The following RBFOX1 variants were observed in gnomAD, a reference collection of about 807,000 sequenced individuals.
RBFOX1 encodes the protein RNA binding protein fox-1 homolog 1.
Under a neutral mutation model 57.7 loss-of-function variants are expected in RBFOX1, and 8 were observed. The observed-to-expected ratio is 0.14, with a 90% CI of 0.08 to 0.25. The LOEUF is 0.25. Among genes scored for constraint, RBFOX1 ranks in the 10% least tolerant of loss-of-function variants. The pLI is 1.00. For missense variants in RBFOX1, 611 were observed against 548.5 expected, an observed-to-expected ratio of 1.11 and a Z score of -1.14; for synonymous variants, 326 against 222.4, an observed-to-expected ratio of 1.47 and a Z score of -4.15.
At chr16:6,829,419 T>C (rs1168644286) in intron 3 of RBFOX1, among the ~76,000 whole-genome samples, 1 of 150,872 alleles carries the variant, frequency 6.6e-6, no homozygotes, top group Non-Finnish European at 1.5e-5. Context: ...TGTAAAAGGC[T>C]ATTTGTAGAT....
At chr16:5,421,035 C>T (rs1262238818) in intron 1 of RBFOX1, among the ~76,000 whole-genome samples, 1 of 150,266 alleles carries the variant, frequency 6.7e-6, no homozygotes, top group Admixed American at 6.7e-5. Context: ...GAGACTGGAA[C>T]TTGCTTTGTC....
intron 3 of RBFOX1, among the ~76,000 whole-genome samples, chr16:6,667,328 C>T (rs928251095): frequency 6.6e-6 from 1 of 152,048 alleles, no homozygotes; most frequent in Admixed American, 6.6e-5. Flanking sequence ...CCTTCAGTCA[C>T]CCTTGAAGCT....
At chr16:6,126,928 T>C (rs1301822633) in intron 1 of RBFOX1, among the ~76,000 whole-genome samples, 3 of 152,040 alleles carry the variant, frequency 2.0e-5, no homozygotes, top group Non-Finnish European at 4.4e-5. Flanking sequence ...TTATGCCAGG[T>C]ACTAGGAAAA....
At chr16:7,094,628 GTTTTTTTT>G (rs5815365) in intron 4 of RBFOX1, among the ~76,000 whole-genome samples, 2 of 141,024 alleles carry the variant, frequency 1.4e-5, no homozygotes, top group African/African-American at 5.2e-5. Context: ...TTCTTTTGAA[GTTTTTTTT>G]TTTTTTTTTT....
chr16:7,654,083 G>T, intron 12 of RBFOX1, 136 bp downstream of exon 12: 1 of 873,784 alleles, frequency 1.1e-6, no homozygotes, highest in South Asian at 1.8e-5. Context: ...ATGCAGCCCG[G>T]CCGCGCACCT....
At chr16:7,480,664 G>A (rs984418733) in intron 4 of RBFOX1, among the ~76,000 whole-genome samples, 3 of 152,182 alleles carry the variant, frequency 2.0e-5, no homozygotes, top group African/African-American at 7.2e-5. Context: ...GCAGTGCTGA[G>A]AGCTGTGTAT....
At position 7,078,944 on chromosome 16, in the gene RBFOX1, G is replaced by A. The variant is rs542700512; in HGVS notation, c.27+26846G>A. Among the ~76,000 whole-genome samples the A allele has an allele frequency of 3.9e-3, 505 of 129,214 alleles. 4 individuals carry two copies. Among genetic ancestry groups the A allele is most frequent in the Non-Finnish European group, 6.6e-3 (425 of 64,528 alleles). The allele number at this position is 129,214 out of a possible 152,430, so 84.8% of individuals were successfully genotyped here. ...AGGCTGGTCTTGAGCTCCTGACCTC[G>A]TGATCCACCCACCTTGGCCTCCCAA... On this transcript the variant is annotated intron_variant, in intron 4 of 15. Coordinates refer to ENST00000550418, the MANE Select transcript of RBFOX1 (RefSeq NM_018723.4).
intron 1 of RBFOX1, among the ~76,000 whole-genome samples, chr16:5,321,291 C>A (rs187085570): frequency 1.2e-3 from 181 of 151,828 alleles, no homozygotes; most frequent in African/African-American, 4.0e-3. Flanking sequence ...ATGATCATTA[C>A]TGTACTAAAA....
chr16:6,484,576 G>A (rs1412764711), intron 2 of RBFOX1, among the ~76,000 whole-genome samples: 4 of 152,132 alleles, frequency 2.6e-5, no homozygotes, highest in East Asian at 1.9e-4. Flanking sequence ...ACAGAGTGTC[G>A]AATGTGACAT....
intron 4 of RBFOX1, among the ~76,000 whole-genome samples, chr16:5,906,387 G>T (rs1366945665): frequency 1.3e-5 from 2 of 152,192 alleles, no homozygotes; most frequent in African/African-American, 2.4e-5. Context: ...TTTCTGCAAA[G>T]AATTCCAAAG....
rs144623249 is a variant in RBFOX1 at position 7,002,425 on chromosome 16, A to G, written c.-15-49632A>G. On this transcript the variant is annotated intron_variant, in intron 3 of 15. Transcript: ENST00000550418. ...AAGAGATTTAAAAAAGATCTTTTCAACTATTTTCGCTGGGCGCGATGGCTC... is the reference window on the plus strand; with the variant it reads ...AAGAGATTTAAAAAAGATCTTTTCAGCTATTTTCGCTGGGCGCGATGGCTC... 4.7e-3 allele frequency among the ~76,000 whole-genome samples: 711 copies of G among 152,338 alleles called. 8 individuals carry two copies. The highest frequency in any genetic ancestry group is 0.016 in the African/African-American group (670 of 41,570).
At chr16:5,786,789 G>A (rs2054515720) in intron 3 of RBFOX1, among the ~76,000 whole-genome samples, 1 of 152,172 alleles carries the variant, frequency 6.6e-6, no homozygotes, top group Non-Finnish European at 1.5e-5. Flanking sequence ...TGAGAAATTG[G>A]TGTTTGACCT....
intron 2 of RBFOX1, among the ~76,000 whole-genome samples, chr16:6,514,122 A>C (rs1176795831): frequency 6.6e-6 from 1 of 152,154 alleles, no homozygotes; most frequent in Non-Finnish European, 1.5e-5. Flanking sequence ...ACCCAGAAGT[A>C]ATCAGCCCTA....
At chr16:6,444,226 C>T (rs780880322) in intron 2 of RBFOX1, among the ~76,000 whole-genome samples, 41 of 152,190 alleles carry the variant, frequency 2.7e-4, no homozygotes, top group Non-Finnish European at 4.7e-4. Context: ...AGAGCAGGAA[C>T]AGTGTCTGCT....
At chr16:5,952,955 A>G (rs926350564) in intron 4 of RBFOX1, among the ~76,000 whole-genome samples, 1 of 152,140 alleles carries the variant, frequency 6.6e-6, no homozygotes, top group Non-Finnish European at 1.5e-5. Context: ...TTTGGTTTTT[A>G]CAAGCACTTC....
At chr16:7,430,532 C>A (rs879732419) in intron 4 of RBFOX1, among the ~76,000 whole-genome samples, 2 of 151,978 alleles carry the variant, frequency 1.3e-5, no homozygotes, top group Non-Finnish European at 2.9e-5. Flanking sequence ...CGTGGTGGCA[C>A]GTGCCTGTAG....
intron 5 of RBFOX1, among the ~76,000 whole-genome samples, chr16:7,530,024 A>G (rs955916913): frequency 6.6e-6 from 1 of 151,138 alleles, no homozygotes; most frequent in Admixed American, 6.6e-5. Context: ...AAAAAAAAAA[A>G]GTGAATTTAG....
intron 2 of RBFOX1, among the ~76,000 whole-genome samples, chr16:6,353,391 G>A (rs1365061280): frequency 6.6e-6 from 1 of 151,646 alleles, no homozygotes; most frequent in Non-Finnish European, 1.5e-5. Flanking sequence ...TGCCATCCTA[G>A]ATACCTATTT....
chr16:7,604,916 T>C (rs1392644741), intron 9 of RBFOX1, among the ~76,000 whole-genome samples: 4 of 152,090 alleles, frequency 2.6e-5, no homozygotes, highest in Non-Finnish European at 4.4e-5. Context: ...CCACTACCAA[T>C]AAGAGGTAGG....
Sources: gnomAD v4.1 joint callset for allele counts (sites outside exome capture counted in the v4.1 genomes callset) on GRCh38, gnomAD v4.1.1 for gene constraint, MANE v1.5 for transcripts, NCBI Gene and HGNC (gene_info 2026-07-23, HGNC 2026-07-21) for gene names.